PHKB: variants seen among roughly 807,000 people sequenced by gnomAD.
PHKB encodes phosphorylase b kinase regulatory subunit beta.
A neutral mutation model predicts 152.1 loss-of-function variants in PHKB; 122 were observed. That is an observed-to-expected ratio of 0.80 (90% CI 0.69 to 0.93). PHKB has a LOEUF of 0.93. Among genes scored for constraint, PHKB ranks in the 40% least tolerant of loss-of-function variants. The pLI, the probability that PHKB is intolerant of heterozygous loss-of-function variation, is 0.00. For missense variants in PHKB, 1,304 were observed against 1,328.4 expected, an observed-to-expected ratio of 0.98 and a Z score of 0.29; for synonymous variants, 436 against 464.9, an observed-to-expected ratio of 0.94 and a Z score of 0.80.
intron 6 of PHKB, among the ~76,000 whole-genome samples, chr16:47,533,980 G>A (rs777631561): frequency 2.6e-5 from 4 of 152,198 alleles, no homozygotes; most frequent in Non-Finnish European, 4.4e-5. Context: ...CACCCAGGAT[G>A]GTGGGGCTCC....
rs535749057 is a variant in PHKB, at chr16:47,594,135, A to G, written c.1127-2A>G. The G allele has an allele frequency of 6.8e-5, 100 of 1,471,930 alleles. 1 individual carries two copies. In the South Asian group the frequency reaches 1.1e-3, roughly 17 times the overall value. 91.2% of individuals were successfully genotyped at this position (1,471,930 alleles called of 1,614,324 possible). On this transcript the variant is annotated splice_acceptor_variant, in intron 11 of 30. Coordinates refer to ENST00000323584, the MANE Select transcript of PHKB (RefSeq NM_000293.3). LOFTEE classifies it high-confidence loss of function. ...TATTGGATTTTATATTTTATATTTT[A>G]GGAGTTTTTAGAGGCAATCCTAAGC...
intron 2 of PHKB, among the ~76,000 whole-genome samples, chr16:47,498,249 T>C (rs1970266126): frequency 6.6e-6 from 1 of 152,248 alleles, no homozygotes; most frequent in African/African-American, 2.4e-5. Context: ...TTATTATCTT[T>C]TTGGCAATAA....
intron 1 of PHKB, among the ~76,000 whole-genome samples, chr16:47,468,787 A>G (rs1969714095): frequency 6.6e-6 from 1 of 152,106 alleles, no homozygotes; most frequent in Admixed American, 6.6e-5. Flanking sequence ...CTCCACTGCT[A>G]TCTTTGGGTC....
chr16:47,539,922 T>A (rs762947382), intron 6 of PHKB, among the ~76,000 whole-genome samples: 1 of 152,122 alleles, frequency 6.6e-6, no homozygotes, highest in Non-Finnish European at 1.5e-5. Context: ...CAGTGCACCT[T>A]GAAAAAGAAC....
intron 7 of PHKB, among the ~76,000 whole-genome samples, chr16:47,557,934 C>T (rs929407280): frequency 2.6e-5 from 4 of 152,080 alleles, no homozygotes; most frequent in African/African-American, 9.7e-5. Flanking sequence ...CACATGCACA[C>T]ATATGTTTAT....
At chr16:47,501,335 G>A (rs772615880) in intron 3 of PHKB, among the ~76,000 whole-genome samples, 7 of 152,114 alleles carry the variant, frequency 4.6e-5, no homozygotes, top group Non-Finnish European at 8.8e-5. Context: ...TATGAGGATG[G>A]CTAGACTAAA....
intron 1 of PHKB, among the ~76,000 whole-genome samples, chr16:47,482,655 A>G (rs1411675148): frequency 6.6e-6 from 1 of 152,252 alleles, no homozygotes; most frequent in Non-Finnish European, 1.5e-5. Flanking sequence ...ACTTGCGTAG[A>G]ATAATGTATG....
At chr16:47,608,301 A>G (rs955071574) in intron 13 of PHKB, among the ~76,000 whole-genome samples, 1 of 152,174 alleles carries the variant, frequency 6.6e-6, no homozygotes, top group East Asian at 1.9e-4. Flanking sequence ...ACAGTTTTAT[A>G]GTTTTAACTC....
At chr16:47,495,337 C>T (rs1379774678) in intron 1 of PHKB, among the ~76,000 whole-genome samples, 2 of 151,872 alleles carry the variant, frequency 1.3e-5, no homozygotes, top group African/African-American at 2.4e-5. Context: ...AATCAATTCA[C>T]CTACCATTGT....
intron 20 of PHKB, among the ~76,000 whole-genome samples, chr16:47,651,520 G>T (rs1262328699): frequency 6.6e-6 from 1 of 152,080 alleles, no homozygotes; most frequent in Non-Finnish European, 1.5e-5. Flanking sequence ...GGGCTTTGAG[G>T]TCTTACCAGA....
intron 7 of PHKB, chr16:47,566,780 G>A: frequency 2.7e-6 from 2 of 738,754 alleles, no homozygotes; most frequent in Non-Finnish European, 2.5e-6. Flanking sequence ...CATGAGCCCA[G>A]CTGACTGGTT....
intron 1 of PHKB, among the ~76,000 whole-genome samples, chr16:47,484,260 A>C (rs1243434730): frequency 6.6e-6 from 1 of 152,174 alleles, no homozygotes; most frequent in Non-Finnish European, 1.5e-5. Flanking sequence ...GGAATGGTGG[A>C]ATGGGCTTTT....
At chr16:47,661,440 CT>C (rs1281241606) in intron 22 of PHKB, among the ~76,000 whole-genome samples, 1 of 152,140 alleles carries the variant, frequency 6.6e-6, no homozygotes, top group African/African-American at 2.4e-5. Flanking sequence ...CTGTTCATTA[CT>C]TATCTTGTTT....
intron 1 of PHKB, among the ~76,000 whole-genome samples, chr16:47,481,597 T>C (rs548264167): frequency 2.4e-4 from 36 of 152,342 alleles, no homozygotes; most frequent in Admixed American, 7.2e-4. Flanking sequence ...CCAGAAACCA[T>C]TGGTTTCCCA....
intron 27 of PHKB, among the ~76,000 whole-genome samples, chr16:47,689,501 A>T (rs1974023675): frequency 6.6e-6 from 1 of 152,158 alleles, no homozygotes; most frequent in Non-Finnish European, 1.5e-5. Flanking sequence ...TGTGGCACTC[A>T]CCATCTCCTC....
intron 22 of PHKB, 130 bp from the exon 23 acceptor site, chr16:47,661,589 A>T: frequency 2.8e-6 from 2 of 708,408 alleles, no homozygotes; most frequent in Non-Finnish European, 5.2e-6. Flanking sequence ...TATCAATGAC[A>T]TTTTATCTTC....
chr16:47,699,727 TAAATTTGCC>T lies in PHKB; in HGVS notation c.*364_*372del, dbSNP rs1974216347. 6 of 294,796 alleles carry T rather than the reference TAAATTTGCC, an allele frequency of 2.0e-5. No homozygotes were observed. In the South Asian group the frequency reaches 2.3e-4, roughly 11 times the overall value. 18.3% of individuals were successfully genotyped at this position (294,796 alleles called of 1,614,324 possible). On this transcript the variant is annotated 3_prime_UTR_variant, in exon 31 of 31. Coordinates refer to ENST00000323584, the MANE Select transcript of PHKB (RefSeq NM_000293.3). ...AATTCTTACCATACTGCCATTAAAA[TAAATTTGCC>T]AACTAGTAATGCATACTGGAAATCA...
At chr16:47,687,195 TAAATA>T (rs919238654) in intron 26 of PHKB, among the ~76,000 whole-genome samples, 7 of 152,086 alleles carry the variant, frequency 4.6e-5, no homozygotes, top group East Asian at 1.9e-4. Context: ...ATAAAATAAA[TAAATA>T]AAATAAGTAG....
intron 6 of PHKB, among the ~76,000 whole-genome samples, chr16:47,528,588 G>C (rs1970805169): frequency 6.6e-6 from 1 of 151,298 alleles, no homozygotes; most frequent in Non-Finnish European, 1.5e-5. Flanking sequence ...GAAACATGGA[G>C]AATGAGAATG....
Sources: allele counts gnomAD v4.1 joint callset (sites outside exome capture counted in the v4.1 genomes callset), GRCh38; gene constraint gnomAD v4.1.1; transcripts MANE v1.5; gene names NCBI Gene and HGNC (gene_info 2026-07-23, HGNC 2026-07-21).